Variants in LRRC37A2 observed in about 807,000 individuals in gnomAD.
LRRC37A2 encodes the protein leucine rich repeat containing 37 member A2.
In LRRC37A2, 9 loss-of-function variants were observed where a neutral mutation model predicts 68.8. The ratio of observed to expected loss-of-function variants is 0.13; its 90% CI spans 0.08 to 0.23. LRRC37A2 has a LOEUF of 0.23. LRRC37A2 is among the 10% of genes least tolerant of loss of function. LRRC37A2 has a pLI of 1.00. For missense variants in LRRC37A2, 168 were observed against 950.4 expected, an observed-to-expected ratio of 0.18 and a Z score of 10.82; for synonymous variants, 63 against 367.6, an observed-to-expected ratio of 0.17 and a Z score of 9.48.
At chr17:46,722,314 C>T in the LRRC37A2 span, 5 of 714,538 alleles carry the variant, frequency 7.0e-6, no homozygotes, top group East Asian at 1.1e-4. Flanking sequence ...AGCCTCAGTC[C>T]TCCTGGCATC....
chr17:46,946,770 T>C, the LRRC37A2 span, among the ~76,000 whole-genome samples: 2 of 150,962 alleles, frequency 1.3e-5, no homozygotes, highest in South Asian at 4.2e-4. Flanking sequence ...GGCTGAGACA[T>C]GAGAATTGTT....
chr17:46,919,631 T>C, the LRRC37A2 span, among the ~76,000 whole-genome samples: 7 of 152,136 alleles, frequency 4.6e-5, no homozygotes, highest in Admixed American at 6.5e-5. Flanking sequence ...TAAAAATCTA[T>C]AAAGAAAAAC....
the LRRC37A2 span, among the ~76,000 whole-genome samples, chr17:46,894,966 CG>C: frequency 6.6e-6 from 1 of 152,180 alleles, no homozygotes; most frequent in Non-Finnish European, 1.5e-5. Context: ...GTGCTCGGGA[CG>C]GGACGTGCTC....
the LRRC37A2 span, among the ~76,000 whole-genome samples, chr17:46,759,430 CA>C: frequency 6.6e-6 from 1 of 152,180 alleles, no homozygotes; most frequent in Non-Finnish European, 1.5e-5. Context: ...TGGGTGAAGA[CA>C]AAATATCCAA....
At chr17:46,957,213 G>C in the LRRC37A2 span, among the ~76,000 whole-genome samples, 1 of 152,206 alleles carries the variant, frequency 6.6e-6, no homozygotes, top group Non-Finnish European at 1.5e-5. Flanking sequence ...GCTGAGGTGG[G>C]AGGACTGCTT....
At chr17:46,723,641 A>T in the LRRC37A2 span, among the ~76,000 whole-genome samples, 1 of 152,096 alleles carries the variant, frequency 6.6e-6, no homozygotes, top group South Asian at 2.1e-4. Flanking sequence ...TCTGTGTTTT[A>T]TTTCAGTTGC....
At chr17:46,780,999 C>T in the LRRC37A2 span, among the ~76,000 whole-genome samples, 3 of 151,942 alleles carry the variant, frequency 2.0e-5, no homozygotes, top group Admixed American at 6.6e-5. Context: ...GAGGCTGAGG[C>T]GGGTGGATCA....
chr17:46,987,851 C>T, the LRRC37A2 span, among the ~76,000 whole-genome samples: 1 of 152,198 alleles, frequency 6.6e-6, no homozygotes, highest in Non-Finnish European at 1.5e-5. Context: ...CTTACACATA[C>T]TTTAATAATG....
the LRRC37A2 span, among the ~76,000 whole-genome samples, chr17:46,946,557 G>C: frequency 1.3e-5 from 2 of 149,726 alleles, no homozygotes; most frequent in Non-Finnish European, 3.0e-5. Context: ...CCCTTAAACA[G>C]AAAAGTAATT....
the LRRC37A2 span, among the ~76,000 whole-genome samples, chr17:46,920,472 G>T: frequency 6.6e-6 from 1 of 152,218 alleles, no homozygotes. Context: ...TGGGTGGACA[G>T]TCTCTTGGGA....
At chr17:46,473,546 T>G in the LRRC37A2 span, among the ~76,000 whole-genome samples, 3 of 14,248 alleles carry the variant, frequency 2.1e-4, no homozygotes, top group Non-Finnish European at 4.9e-4. Flanking sequence ...TTACAACTTT[T>G]GCTCTGTTAA....
At chr17:47,003,300 G>A in the LRRC37A2 span, among the ~76,000 whole-genome samples, 5 of 150,066 alleles carry the variant, frequency 3.3e-5, no homozygotes, top group Admixed American at 6.6e-5. Flanking sequence ...TGACCACTCT[G>A]GAACATACAA....
At chr17:46,717,058 C>G in the LRRC37A2 span, among the ~76,000 whole-genome samples, 1 of 152,070 alleles carries the variant, frequency 6.6e-6, no homozygotes, top group Non-Finnish European at 1.5e-5. Context: ...TTCATTGCAG[C>G]AGTATTCACA....
the LRRC37A2 span, among the ~76,000 whole-genome samples, chr17:46,982,332 A>C: frequency 6.6e-6 from 1 of 152,324 alleles, no homozygotes; most frequent in Non-Finnish European, 1.5e-5. Context: ...ATCCAGCTGA[A>C]GTCAGACTGC....
the LRRC37A2 span, among the ~76,000 whole-genome samples, chr17:46,798,502 G>A: frequency 6.6e-6 from 1 of 152,138 alleles, no homozygotes; most frequent in Non-Finnish European, 1.5e-5. Context: ...TTAGGCTTGT[G>A]CCAGCCATAC....
the LRRC37A2 span, chr17:46,764,557 G>C: frequency 6.6e-6 from 1 of 152,244 alleles, no homozygotes; most frequent in Non-Finnish European, 1.5e-5. Context: ...CCCGGCTCTA[G>C]GTCCTGCTTC....
the LRRC37A2 span, among the ~76,000 whole-genome samples, chr17:46,781,279 C>T: frequency 7.3e-5 from 11 of 150,100 alleles, no homozygotes; most frequent in East Asian, 2.1e-3. Context: ...ATGCAAGCTA[C>T]AACGTAGAGG....
At chr17:46,832,460 G>T in the LRRC37A2 span, among the ~76,000 whole-genome samples, 1 of 152,170 alleles carries the variant, frequency 6.6e-6, no homozygotes, top group Admixed American at 6.5e-5. Context: ...CTCCTGCCAG[G>T]CCTGTTGCCA....
At chr17:46,742,017 G>A in the LRRC37A2 span, among the ~76,000 whole-genome samples, 1 of 152,142 alleles carries the variant, frequency 6.6e-6, no homozygotes. Flanking sequence ...GCCTCCCAAA[G>A]TGTTGAGATT....
Sources: gnomAD v4.1 joint callset for allele counts (sites outside exome capture counted in the v4.1 genomes callset) on GRCh38, gnomAD v4.1.1 for gene constraint, MANE v1.5 for transcripts, NCBI Gene and HGNC (gene_info 2026-07-23, HGNC 2026-07-21) for gene names.